The following CDC42BPB variants were observed in gnomAD, a reference collection of about 807,000 sequenced individuals.
CDC42BPB encodes CDC42 binding protein kinase beta, also known as serine/threonine-protein kinase MRCK beta.
Under a neutral mutation model 214.9 loss-of-function variants are expected in CDC42BPB, and 37 were observed. The observed-to-expected ratio is 0.17, with a 90% CI of 0.13 to 0.23. The LOEUF (loss-of-function observed/expected upper bound fraction) is 0.23, where lower values mean the gene tolerates loss of function less well. Ranked by LOEUF, CDC42BPB falls within the 10% of genes least tolerant of loss-of-function variation. The pLI is 1.00. For synonymous variants in CDC42BPB, 931 were observed against 884.0 expected (o/e 1.05, Z -0.94); for missense variants, 1,694 against 2,227.0 (o/e 0.76, Z 4.82).
chr14:103,012,147 G>T lies in CDC42BPB; in HGVS notation c.217C>A (p.Arg73=). The T allele has an allele frequency of 6.2e-7, 1 of 1,613,630 alleles. No homozygotes were observed. The highest frequency in any genetic ancestry group is 8.5e-7 in the Non-Finnish European group (1 of 1,179,766). ...TQLVKEMQLH[R]EDFEIIKVIG... The stretch of plus-strand genomic sequence containing the variant: ...ACTTTAATTATTTCAAAGTCTTCTC[G>T]ATGAAGCTGCATTTCTTTCACCAGC... The change falls in exon 2 of 37, where the codon CGA becomes AGA. Residue 73 remains arginine, a synonymous_variant. Coordinates refer to ENST00000361246, the MANE Select transcript of CDC42BPB (RefSeq NM_006035.4).
intron 1 of CDC42BPB, among the ~76,000 whole-genome samples, chr14:103,051,427 A>T (rs1010152668): frequency 1.5e-4 from 16 of 110,002 alleles, no homozygotes; most frequent in South Asian, 2.5e-4. Context: ...TCTTCCAGCT[A>T]AAAAAAAAAA....
chr14:102,947,835 G>A lies in CDC42BPB; in HGVS notation c.3450-33C>T, dbSNP rs1179734942. On this transcript the variant is annotated intron_variant, in intron 26 of 36. Coordinates refer to ENST00000361246, the MANE Select transcript of CDC42BPB (RefSeq NM_006035.4). ...GGAAGAAACATTGACCCCGCTGGGA[G>A]ACACGCGCACAGGACCCAAGGCCCT... 5.0e-6 allele frequency: 8 copies of A among 1,610,910 alleles called. No homozygotes were observed. The African/African-American group carries it at 9.4e-5, about 19-fold the overall frequency.
chr14:103,035,932 G>A (rs1330271569), intron 1 of CDC42BPB, among the ~76,000 whole-genome samples: 4 of 151,910 alleles, frequency 2.6e-5, no homozygotes, highest in East Asian at 1.9e-4. Flanking sequence ...CAGGAGGATC[G>A]CTTTAGCTCA....
At chr14:103,037,418 C>T (rs1300409617) in intron 1 of CDC42BPB, among the ~76,000 whole-genome samples, 3 of 152,194 alleles carry the variant, frequency 2.0e-5, no homozygotes, top group South Asian at 2.1e-4. Flanking sequence ...CTCAGCCTCC[C>T]GAGCAGCCGG....
intron 8 of CDC42BPB, 73 bp from the exon 9 acceptor site, chr14:102,978,278 C>T (rs1203602700): frequency 3.1e-6 from 5 of 1,595,868 alleles, no homozygotes; most frequent in Non-Finnish European, 2.6e-6. Context: ...AAGATGGTTA[C>T]AGTCATGGTG....
rs563575412 is a variant in CDC42BPB at position 103,031,248 on chromosome 14, A to G, written c.176-19060T>C. On this transcript the variant is annotated intron_variant, in intron 1 of 36. Coordinates refer to ENST00000361246, the MANE Select transcript of CDC42BPB (RefSeq NM_006035.4). ...TGGCTCACCATCCCCACGTAAACGC[A>G]GTAATAAACAGGAAGGAAGGATGTT... Among the ~76,000 whole-genome samples the G allele has an allele frequency of 3.3e-5, 5 of 152,212 alleles. No individual in the cohort carries two copies. In the East Asian group the frequency reaches 9.7e-4, roughly 29 times the overall value.
chr14:102,933,899 G>A (rs895079916), intron 36 of CDC42BPB, 56 bp from the exon 37 acceptor site: 73 of 1,462,644 alleles, frequency 5.0e-5, no homozygotes, highest in South Asian at 2.9e-4. Context: ...GGGGAGGCAC[G>A]CGTGCCCAGC....
intron 1 of CDC42BPB, among the ~76,000 whole-genome samples, chr14:103,021,535 T>C (rs994959739): frequency 2.6e-5 from 4 of 151,372 alleles, no homozygotes; most frequent in Non-Finnish European, 5.9e-5. Context: ...ATACAAAAAT[T>C]AGCTGGGCAT....
At chr14:102,942,430 A>T (rs377174409) in intron 30 of CDC42BPB, among the ~76,000 whole-genome samples, 1 of 151,768 alleles carries the variant, frequency 6.6e-6, no homozygotes, top group Non-Finnish European at 1.5e-5. Context: ...TCATTCCCCA[A>T]CTCTTGGCCT....
In CDC42BPB at chr14:102,954,356, C is replaced by G. The variant is rs533261328; in HGVS notation, c.2989-81G>C. 8 of 1,449,434 alleles carry G rather than the reference C, an allele frequency of 5.5e-6. No individual in the cohort carries two copies. The East Asian group carries it at 2.0e-4, about 36-fold the overall frequency. The allele number at this position is 1,449,434 out of a possible 1,614,324, so 89.8% of individuals were successfully genotyped here. A position where few individuals can be genotyped will look rare whatever the true frequency, so the allele number is the denominator to read the frequency against. ...CTGGCCCTACGGGGTGCACTTCTCT[C>G]AAGAATGTGTTAACAGTGAACAGTT... On this transcript the variant is annotated intron_variant, in intron 22 of 36. Transcript: ENST00000361246.
intron 5 of CDC42BPB, among the ~76,000 whole-genome samples, chr14:102,989,029 T>C (rs966489589): frequency 3.3e-5 from 5 of 152,048 alleles, no homozygotes; most frequent in Non-Finnish European, 7.4e-5. Flanking sequence ...GGGAAAAATA[T>C]TTGTAATATA....
chr14:103,001,626 G>A lies in CDC42BPB; in HGVS notation c.448-1913C>T, dbSNP rs928819052. On this transcript the variant is annotated intron_variant, in intron 4 of 36. Coordinates refer to ENST00000361246, the MANE Select transcript of CDC42BPB (RefSeq NM_006035.4). The surrounding 1 kb of genome is among the most constrained non-coding windows in gnomAD (Gnocchi z 5.8). Reference sequence around the variant, plus strand: ...AGCTACGTTCAGAAGCCCAGGCACCGAGGTGCCACTGCGTGTGGAGGGCGA... The same window carrying A: ...AGCTACGTTCAGAAGCCCAGGCACCAAGGTGCCACTGCGTGTGGAGGGCGA... Among the ~76,000 whole-genome samples the A allele has an allele frequency of 7.2e-5, 11 of 152,178 alleles. No individual in the cohort carries two copies. Among genetic ancestry groups the A allele is most frequent in the South Asian group, 4.1e-4 (2 of 4,836 alleles).
chr14:103,044,250 C>CAT (rs1292659919), intron 1 of CDC42BPB, among the ~76,000 whole-genome samples: 1 of 151,940 alleles, frequency 6.6e-6, no homozygotes, highest in East Asian at 1.9e-4. Context: ...TTTTTGGAGA[C>CAT]AGAGTCTCAC....
In CDC42BPB at chr14:102,944,079, T is replaced by C; in HGVS notation, c.4220A>G (p.Asn1407Ser). The change falls in exon 30 of 37, where the codon AAC becomes AGC. Residue 1407 changes from asparagine (N) to serine (S), a missense_variant. Transcript: ENST00000361246. The surrounding 1 kb of genome is among the most constrained non-coding windows in gnomAD (Gnocchi z 6.6). The stretch of plus-strand genomic sequence containing the variant: ...CGAGGGGTCATTGGGATTTACCAGG[T>C]TTAGAGGCTGCCCGTCCCCCTGGAT... ...LSIQGDGQPL[N>S]LVNPNDPSLA... The C allele has an allele frequency of 6.2e-7, 1 of 1,613,538 alleles. No individual in the cohort carries two copies. Among genetic ancestry groups the C allele is most frequent in the Non-Finnish European group, 8.5e-7 (1 of 1,180,010 alleles).
chr14:102,984,914 G>A (rs904613325), intron 6 of CDC42BPB, among the ~76,000 whole-genome samples: 2 of 152,268 alleles, frequency 1.3e-5, no homozygotes, highest in African/African-American at 4.8e-5. Context: ...CAGCCCACAG[G>A]AGCTCCTACA....
Position 102,967,121 on chromosome 14 carries a change from T to C in CDC42BPB, c.2396A>G (p.Asp799Gly), listed in dbSNP as rs202067243. ...CTTGGCTGCCAGATCCTGCAGCTCA[T>C]CCTCCAGCTGTCTATTTTGAGCTGT... is the stretch of plus-strand genomic sequence containing the variant. ...KLTAQNRQLE[D>G]ELQDLAAKKE... The change falls in exon 17 of 37, where the codon GAT becomes GGT. Residue 799 changes from aspartate (D) to glycine (G), a missense_variant. Asp to Gly is a moderately conservative substitution (Grantham distance 94). Around this residue, in one of 7 missense-constraint regions of CDC42BPB, gnomAD observed 462 missense variants for 513.5 expected, o/e 0.90. Coordinates refer to ENST00000361246, the MANE Select transcript of CDC42BPB (RefSeq NM_006035.4). 1.9e-6 allele frequency: 3 copies of C among 1,614,084 alleles called. No homozygotes were observed. The highest frequency in any genetic ancestry group is 3.3e-5 in the Admixed American group (2 of 60,014).
chr14:102,966,330 G>C lies in CDC42BPB; in HGVS notation c.2529C>G (p.Thr843=), dbSNP rs150680456. The change falls in exon 18 of 37, where the codon ACC becomes ACG. Residue 843 remains threonine (T), a synonymous_variant. Coordinates refer to ENST00000361246, the MANE Select transcript of CDC42BPB (RefSeq NM_006035.4). ...GYLQALASKM[T]EELEALRSSS... Reference sequence around the variant, plus strand: ...AACTCCTCAAAGCCTCGAGCTCTTCGGTCATCTTGGAAGCAAGAGCTTGAA... The same window carrying C: ...AACTCCTCAAAGCCTCGAGCTCTTCCGTCATCTTGGAAGCAAGAGCTTGAA... 6.1e-5 allele frequency: 98 copies of C among 1,613,912 alleles called. No individual in the cohort carries two copies. The highest frequency in any genetic ancestry group is 8.0e-5 in the Non-Finnish European group (94 of 1,179,950).
intron 20 of CDC42BPB, among the ~76,000 whole-genome samples, chr14:102,962,577 C>T (rs554194035): frequency 1.1e-4 from 16 of 152,308 alleles, no homozygotes; most frequent in African/African-American, 3.4e-4. Flanking sequence ...AGGCTGGGCA[C>T]GGTGGCTCAC....
chr14:103,040,670 C>T (rs1387234991), intron 1 of CDC42BPB, among the ~76,000 whole-genome samples: 1 of 152,014 alleles, frequency 6.6e-6, no homozygotes. Flanking sequence ...GTTGGCCAGG[C>T]TGGTCTTGAA....
Sources: gnomAD v4.1 joint callset for allele counts (sites outside exome capture counted in the v4.1 genomes callset) on GRCh38, gnomAD v4.1.1 for gene constraint, gnomAD v4.1.1 regional missense constraint, Gnocchi (gnomAD v3.1) non-coding constraint, MANE v1.5 for transcripts, NCBI Gene and HGNC (gene_info 2026-07-23, HGNC 2026-07-21) for gene names.